Variants in KAT6B observed in about 807,000 individuals in gnomAD.
The protein encoded by KAT6B is histone acetyltransferase KAT6B.
In KAT6B, 10 loss-of-function variants were observed where a neutral mutation model predicts 187.5. The ratio of observed to expected loss-of-function variants is 0.05; its 90% CI spans 0.03 to 0.09. The LOEUF (loss-of-function observed/expected upper bound fraction) is 0.09, where lower values mean the gene tolerates loss of function less well. Among genes scored for constraint, KAT6B ranks in the 10% least tolerant of loss-of-function variants. The pLI is 1.00. For missense variants in KAT6B, 1,952 were observed against 2,558.9 expected, an observed-to-expected ratio of 0.76 and a Z score of 5.12; for synonymous variants, 861 against 926.8, an observed-to-expected ratio of 0.93 and a Z score of 1.29.
intron 3 of KAT6B, among the ~76,000 whole-genome samples, chr10:74,869,155 C>T (rs996105442): frequency 6.6e-6 from 1 of 152,122 alleles, no homozygotes; most frequent in Non-Finnish European, 1.5e-5. Flanking sequence ...CACCTTAATA[C>T]AACCGTTTTG....
intron 4 of KAT6B, among the ~76,000 whole-genome samples, chr10:74,966,261 C>G (rs1424878784): frequency 6.6e-6 from 1 of 152,200 alleles, no homozygotes; most frequent in African/African-American, 2.4e-5. Flanking sequence ...AAAAGGTTCT[C>G]TGCTTTTAAG....
intron 13 of KAT6B, among the ~76,000 whole-genome samples, chr10:74,998,358 TTA>T (rs995209814): frequency 1.7e-4 from 26 of 152,258 alleles, no homozygotes; most frequent in African/African-American, 6.3e-4. Flanking sequence ...TTTCATATTA[TTA>T]TGTTTTAAAT....
At chr10:75,001,200 G>A (rs1032983967) in intron 13 of KAT6B, among the ~76,000 whole-genome samples, 1 of 152,060 alleles carries the variant, frequency 6.6e-6, no homozygotes, top group African/African-American at 2.4e-5. Flanking sequence ...TTTCTGCACC[G>A]TCGTTCTTTC....
chr10:74,865,641 A>T (rs980676723), intron 3 of KAT6B, among the ~76,000 whole-genome samples: 10 of 151,490 alleles, frequency 6.6e-5, no homozygotes, highest in Non-Finnish European at 4.4e-5. Context: ...TCAGTCTCCC[A>T]AGTAGCTGAG....
chr10:74,941,635 A>G (rs1337948249), intron 3 of KAT6B, among the ~76,000 whole-genome samples: 1 of 152,182 alleles, frequency 6.6e-6, no homozygotes, highest in East Asian at 1.9e-4. Flanking sequence ...GCATGCACAC[A>G]TGCACAATCT....
intron 3 of KAT6B, among the ~76,000 whole-genome samples, chr10:74,854,616 A>C (rs1842698886): frequency 6.6e-6 from 1 of 152,158 alleles, no homozygotes; most frequent in Non-Finnish European, 1.5e-5. Context: ...GGTCTAAGCA[A>C]AATCCAGGAA....
intron 3 of KAT6B, among the ~76,000 whole-genome samples, chr10:74,943,705 A>T (rs61862637): frequency 6.6e-6 from 1 of 152,212 alleles, no homozygotes; most frequent in Non-Finnish European, 1.5e-5. Flanking sequence ...AAGAAAATGT[A>T]GGATAAAACC....
intron 4 of KAT6B, among the ~76,000 whole-genome samples, chr10:74,968,404 G>A (rs1841623247): frequency 6.6e-6 from 1 of 151,554 alleles, no homozygotes; most frequent in African/African-American, 2.4e-5. Flanking sequence ...TTTAACTCAG[G>A]AATAGTGTGC....
chr10:74,873,336 G>A (rs368775137), intron 3 of KAT6B, among the ~76,000 whole-genome samples: 21 of 150,620 alleles, frequency 1.4e-4, no homozygotes, highest in East Asian at 1.4e-3. Context: ...GTGATGGCAT[G>A]TGCCTGTGGT....
Position 74,991,345 on chromosome 10 carries a change from C to T in KAT6B, c.2629+2233C>T, listed in dbSNP as rs563564446. ...ACCTAAAATTAAAAAGGAACTGGTA[C>T]TTACTAGGTAAAAGTTCAAGCTCTA... On this transcript the variant is annotated intron_variant, in intron 13 of 17. Transcript: ENST00000287239. Among the ~76,000 whole-genome samples, 8 of 152,304 alleles carry T rather than the reference C, an allele frequency of 5.3e-5. No individual in the cohort carries two copies. The East Asian group carries it at 1.5e-3, about 29-fold the overall frequency.
At chr10:74,878,892 C>A (rs1844636784) in intron 3 of KAT6B, among the ~76,000 whole-genome samples, 1 of 152,198 alleles carries the variant, frequency 6.6e-6, no homozygotes, top group Admixed American at 6.5e-5. Flanking sequence ...TTGCTCATCT[C>A]ATTCTCACAA....
chr10:74,975,232 T>G (rs1694234900), intron 7 of KAT6B, among the ~76,000 whole-genome samples, 167 bp from the exon 8 acceptor site: 1 of 152,204 alleles, frequency 6.6e-6, no homozygotes, highest in Admixed American at 6.5e-5. Flanking sequence ...TAAATGCAGT[T>G]GCTGCTGCCT....
In KAT6B at chr10:74,906,062, G is replaced by A. The variant is rs527253237; in HGVS notation, c.622-53908G>A. 1.2e-4 allele frequency among the ~76,000 whole-genome samples: 19 copies of A among 152,198 alleles called. No individual in the cohort carries two copies. In the East Asian group the frequency reaches 3.1e-3, roughly 25 times the overall value. On this transcript the variant is annotated intron_variant, in intron 3 of 17. Transcript: ENST00000287239. ...TAAGAGTGAAATATGGCAAAATCTG[G>A]TCTGAAAAATAGGAAAAAATATAGC...
intron 3 of KAT6B, among the ~76,000 whole-genome samples, chr10:74,852,821 A>C (rs768437240): frequency 2.6e-5 from 4 of 152,166 alleles, no homozygotes; most frequent in Admixed American, 1.3e-4. Context: ...ACTGTATGTA[A>C]CACATGATCC....
At chr10:74,875,691 C>T (rs1841585806) in intron 3 of KAT6B, among the ~76,000 whole-genome samples, 1 of 152,150 alleles carries the variant, frequency 6.6e-6, no homozygotes, top group South Asian at 2.1e-4. Context: ...ATCTCGAACT[C>T]CTGAGCTCAA....
At chr10:74,855,245 G>A (rs979160057) in intron 3 of KAT6B, among the ~76,000 whole-genome samples, 1 of 152,138 alleles carries the variant, frequency 6.6e-6, no homozygotes, top group Non-Finnish European at 1.5e-5. Flanking sequence ...CTTGGTCTGG[G>A]CTGCCTAGGG....
chr10:74,875,330 A>G (rs978488412), intron 3 of KAT6B, among the ~76,000 whole-genome samples: 2 of 152,134 alleles, frequency 1.3e-5, no homozygotes, highest in African/African-American at 2.4e-5. Context: ...GTAATGTAGT[A>G]ATCAGTTTTG....
chr10:74,913,918 G>C (rs1476140894), intron 3 of KAT6B, among the ~76,000 whole-genome samples: 1 of 152,202 alleles, frequency 6.6e-6, no homozygotes, highest in Admixed American at 6.5e-5. Flanking sequence ...GGGAGTGGTG[G>C]CTCATGCCTG....
intron 16 of KAT6B, chr10:75,024,004 C>T (rs1845631139): frequency 6.6e-6 from 1 of 152,144 alleles, no homozygotes; most frequent in African/African-American, 2.4e-5. Context: ...CCTGCTATTC[C>T]TCTATTTGAA....
Sources: gnomAD v4.1 joint callset for allele counts (sites outside exome capture counted in the v4.1 genomes callset) on GRCh38, gnomAD v4.1.1 for gene constraint, MANE v1.5 for transcripts, NCBI Gene and HGNC (gene_info 2026-07-23, HGNC 2026-07-21) for gene names.